The following PCDHA11 variants were observed in gnomAD, a reference collection of about 807,000 sequenced individuals.
PCDHA11 encodes the protein protocadherin alpha-11.
A neutral mutation model predicts 70.3 loss-of-function variants in PCDHA11; 61 were observed. The observed-to-expected ratio is 0.87, with a 90% CI of 0.71 to 1.07. The LOEUF is 1.07. Among genes scored for constraint, PCDHA11 ranks in the 50% least tolerant of loss-of-function variants. The pLI is 0.00. For missense variants in PCDHA11, 1,324 were observed against 1,237.5 expected, an observed-to-expected ratio of 1.07 and a Z score of -1.05; for synonymous variants, 633 against 555.1, an observed-to-expected ratio of 1.14 and a Z score of -1.97.
intron 1 of PCDHA11, among the ~76,000 whole-genome samples, chr5:140,893,592 C>G (rs2064074430): frequency 6.6e-6 from 1 of 152,154 alleles, no homozygotes; most frequent in Non-Finnish European, 1.5e-5. Flanking sequence ...TTGGGAAATA[C>G]TTTATTTCTC....
intron 1 of PCDHA11, among the ~76,000 whole-genome samples, chr5:140,958,528 G>T (rs961967514): frequency 4.6e-5 from 7 of 152,112 alleles, no homozygotes; most frequent in Non-Finnish European, 8.8e-5. Flanking sequence ...TATACTATGT[G>T]TACATTGATT....
At chr5:140,881,798 A>G (rs2153381417) in intron 1 of PCDHA11, among the ~76,000 whole-genome samples, 1 of 152,372 alleles carries the variant, frequency 6.6e-6, no homozygotes, top group South Asian at 2.1e-4. Context: ...TTGTCCCAAA[A>G]CGAGTGTCGA....
At chr5:140,928,367 C>T (rs781897390) in intron 1 of PCDHA11, 1 of 1,614,170 alleles carries the variant, frequency 6.2e-7, no homozygotes, top group East Asian at 2.2e-5. Context: ...TCTGAAGGGC[C>T]ATCAGCCTCT....
At chr5:140,907,406 A>G (rs2073359357) in intron 1 of PCDHA11, among the ~76,000 whole-genome samples, 1 of 152,216 alleles carries the variant, frequency 6.6e-6, no homozygotes, top group African/African-American at 2.4e-5. Context: ...TGTGTGGAAT[A>G]CCACGATGGT....
chr5:140,877,321 G>A (rs1554169599), intron 1 of PCDHA11: 2 of 1,614,000 alleles, frequency 1.2e-6, no homozygotes, highest in South Asian at 2.2e-5. Context: ...GGCGGCGGTC[G>A]GCGCGCACAT....
intron 3 of PCDHA11, among the ~76,000 whole-genome samples, chr5:140,985,932 G>A (rs1554247524): frequency 6.6e-6 from 1 of 151,798 alleles, no homozygotes; most frequent in African/African-American, 2.4e-5. Flanking sequence ...GTAGAGCCGG[G>A]GTTTCACTGT....
At chr5:140,897,504 C>T (rs1253239827) in intron 1 of PCDHA11, among the ~76,000 whole-genome samples, 1 of 152,092 alleles carries the variant, frequency 6.6e-6, no homozygotes, top group Non-Finnish European at 1.5e-5. Context: ...CATGTCCCTA[C>T]AAAGGACATG....
At position 140,870,359 on chromosome 5, in the gene PCDHA11, C is replaced by T. The variant is rs781862161; in HGVS notation, c.1256C>T (p.Ala419Val). The stretch of plus-strand genomic sequence containing the variant: ...GCCCTGGACCGCGAGAACGTGTGGG[C>T]CTATGAACTGGTGGTGACTGCGCGG... ...DSALDRENVW[A>V]YELVVTARDG... Residue 419 changes from alanine to valine, a missense_variant, in exon 1 of 4, where the codon GCC (alanine) becomes GTC (valine). By Grantham distance (64) the Ala-to-Val change is moderately conservative (BLOSUM62 0). Coordinates refer to ENST00000398640, the MANE Select transcript of PCDHA11 (RefSeq NM_018902.5). 4 of 1,614,204 alleles carry T rather than the reference C, an allele frequency of 2.5e-6. No homozygotes were observed. Among genetic ancestry groups the T allele is most frequent in the Middle Eastern group, 1.6e-4 (1 of 6,062 alleles).
At chr5:140,877,177 C>A (rs1554169414) in intron 1 of PCDHA11, 1 of 1,613,802 alleles carries the variant, frequency 6.2e-7, no homozygotes. Context: ...GCTGGCGACT[C>A]CGGCTGGCAG....
intron 1 of PCDHA11, among the ~76,000 whole-genome samples, chr5:140,922,895 A>G (rs2153566398): frequency 6.6e-6 from 1 of 152,340 alleles, no homozygotes; most frequent in East Asian, 1.9e-4. Context: ...ATTCAAGAAA[A>G]AATTTTGAGA....
intron 1 of PCDHA11, chr5:140,928,259 A>G: frequency 6.2e-7 from 1 of 1,614,218 alleles, no homozygotes; most frequent in Non-Finnish European, 8.5e-7. Context: ...TTCGTTGCTG[A>G]AAACAATGGC....
intron 1 of PCDHA11, chr5:140,969,021 C>T (rs2096289420): frequency 8.1e-6 from 13 of 1,614,146 alleles, no homozygotes; most frequent in Non-Finnish European, 1.1e-5. Context: ...AGGGAAAGGT[C>T]CCCTGCAGAA....
intron 3 of PCDHA11, among the ~76,000 whole-genome samples, chr5:140,999,218 C>T (rs1410560466): frequency 6.6e-6 from 1 of 152,180 alleles, no homozygotes; most frequent in Non-Finnish European, 1.5e-5. Context: ...GGAAGTACTA[C>T]ATTTGAGAAT....
chr5:140,922,177 A>G (rs1194396252), intron 1 of PCDHA11, among the ~76,000 whole-genome samples: 1 of 69,034 alleles, frequency 1.4e-5, no homozygotes, highest in Non-Finnish European at 3.3e-5. Context: ...TACAGCAGAC[A>G]AAAAAAAAGT....
At chr5:140,956,665 G>A (rs1336658976) in intron 1 of PCDHA11, among the ~76,000 whole-genome samples, 3 of 152,004 alleles carry the variant, frequency 2.0e-5, no homozygotes, top group African/African-American at 7.2e-5. Context: ...TGGCCTTAAA[G>A]GAGTTAGGGA....
At chr5:140,945,673 A>G (rs192775886) in intron 1 of PCDHA11, among the ~76,000 whole-genome samples, 137 of 152,272 alleles carry the variant, frequency 9.0e-4, no homozygotes, top group Middle Eastern at 3.4e-3. Context: ...CCAGAAATAA[A>G]TCCACACAGT....
chr5:140,875,696 T>C (rs2055720575), intron 1 of PCDHA11: 1 of 1,613,958 alleles, frequency 6.2e-7, no homozygotes, highest in Non-Finnish European at 8.5e-7. Flanking sequence ...GGGGACCTTC[T>C]GGAGGTAAAT....
In PCDHA11 at chr5:141,011,865, G is replaced by A. The variant is rs372303007; in HGVS notation, c.*1928G>A. Reference sequence around the variant, plus strand: ...TAAGACATTTTAATTTTGTTATAATGTACAATTTAGAAGTTTGATTAATTA... The same window carrying A: ...TAAGACATTTTAATTTTGTTATAATATACAATTTAGAAGTTTGATTAATTA... On this transcript the variant is annotated 3_prime_UTR_variant, in exon 4 of 4. Coordinates refer to ENST00000398640, the MANE Select transcript of PCDHA11 (RefSeq NM_018902.5). 40 of 153,574 alleles carry A rather than the reference G, an allele frequency of 2.6e-4. No individual in the cohort carries two copies. The highest frequency in any genetic ancestry group is 3.4e-3 in the Middle Eastern group (1 of 294). 9.5% of individuals were successfully genotyped at this position (153,574 alleles called of 1,614,324 possible).
intron 1 of PCDHA11, among the ~76,000 whole-genome samples, chr5:140,892,990 G>T (rs782084236): frequency 1.3e-5 from 2 of 152,164 alleles, no homozygotes; most frequent in African/African-American, 2.4e-5. Context: ...GTATAAGTGA[G>T]AACATGTATT....
Sources: gnomAD v4.1 joint callset for allele counts (sites outside exome capture counted in the v4.1 genomes callset) on GRCh38, gnomAD v4.1.1 for gene constraint, MANE v1.5 for transcripts, NCBI Gene and HGNC (gene_info 2026-07-23, HGNC 2026-07-21) for gene names.